Variants in FOCAD observed in about 807,000 individuals in gnomAD.
FOCAD encodes the protein KIAA1797.
FOCAD carries 198 observed loss-of-function variants against 225.6 expected under a neutral mutation model. The observed-to-expected ratio is 0.88, with a 90% CI of 0.78 to 0.99. The LOEUF is 0.99. Ranked by LOEUF, FOCAD falls within the 50% of genes least tolerant of loss-of-function variation. The probability of loss-of-function intolerance (pLI) is 0.00; values close to 1 mark genes in which losing one functional copy is unlikely to be tolerated. For synonymous variants in FOCAD, 897 were observed against 755.0 expected, an observed-to-expected ratio of 1.19 and a Z score of -3.08; for missense variants, 2,713 against 2,123.6, an observed-to-expected ratio of 1.28 and a Z score of -5.46.
intron 4 of FOCAD, among the ~76,000 whole-genome samples, chr9:20,724,170 G>A (rs1035714370): frequency 6.6e-6 from 1 of 151,910 alleles, no homozygotes; most frequent in African/African-American, 2.4e-5. Flanking sequence ...GATTTGGAGG[G>A]GACAAACATC....
intron 5 of FOCAD, among the ~76,000 whole-genome samples, chr9:20,757,429 T>G (rs1829157101): frequency 6.6e-6 from 1 of 152,212 alleles, no homozygotes; most frequent in Admixed American, 6.5e-5. Flanking sequence ...ATCCTTCAAA[T>G]TTCAGATTTT....
chr9:20,700,365 C>T (rs1823841075), intron 1 of FOCAD, among the ~76,000 whole-genome samples: 1 of 151,938 alleles, frequency 6.6e-6, no homozygotes, highest in East Asian at 1.9e-4. Context: ...AGTGAAGAAA[C>T]AGTCTTGTTA....
intron 15 of FOCAD, among the ~76,000 whole-genome samples, chr9:20,843,169 G>A (rs1479040270): frequency 6.6e-6 from 1 of 151,948 alleles, no homozygotes; most frequent in African/African-American, 2.4e-5. Context: ...ATAATGTTCT[G>A]TATTTGTTTC....
chr9:20,955,547 T>C (rs781623635), intron 35 of FOCAD, among the ~76,000 whole-genome samples: 7 of 150,504 alleles, frequency 4.7e-5, no homozygotes, highest in Non-Finnish European at 7.4e-5. Flanking sequence ...TGCTATACCA[T>C]GTGACATTCT....
At chr9:20,952,926 T>C in intron 34 of FOCAD, 59 bp from the exon 35 acceptor site, 1 of 1,342,704 alleles carries the variant, frequency 7.4e-7, no homozygotes. Flanking sequence ...GATCATTATC[T>C]TTCCTTCATT....
At chr9:20,816,550 T>C (rs1587283122) in intron 11 of FOCAD, among the ~76,000 whole-genome samples, 1 of 152,094 alleles carries the variant, frequency 6.6e-6, no homozygotes, top group Non-Finnish European at 1.5e-5. Context: ...GCTGCTGTGG[T>C]ATATCGTGGT....
intron 7 of FOCAD, among the ~76,000 whole-genome samples, chr9:20,769,389 G>A (rs1817952623): frequency 6.6e-6 from 1 of 152,210 alleles, no homozygotes; most frequent in Admixed American, 6.5e-5. Context: ...GTGTCTGTGA[G>A]CAGGACCATA....
intron 29 of FOCAD, among the ~76,000 whole-genome samples, chr9:20,946,382 C>G (rs1194724720): frequency 6.6e-6 from 1 of 152,136 alleles, no homozygotes; most frequent in African/African-American, 2.4e-5. Context: ...GTGCTGTGCT[C>G]TGGCATAATG....
In FOCAD at chr9:20,770,166, C is replaced by T. The variant is rs975150635; in HGVS notation, c.834C>T (p.Val278=). The T allele has an allele frequency of 5.0e-6, 8 of 1,613,938 alleles. No individual in the cohort carries two copies. Among genetic ancestry groups the T allele is most frequent in the Non-Finnish European group, 6.8e-6 (8 of 1,180,010 alleles). Residue 278 remains valine, a synonymous_variant, in exon 8 of 44, where the codon GTC becomes GTT. Coordinates refer to ENST00000338382, the MANE Select transcript of FOCAD (RefSeq NM_001375567.1). ...MSLQLLCVSE[V]SLKITGECSS... ...TTCAGCTGCTGTGTGTCAGTGAAGT[C>T]AGCTTAAAGATAACTGGTGAATGTT... is the stretch of plus-strand genomic sequence containing the variant.
intron 28 of FOCAD, among the ~76,000 whole-genome samples, chr9:20,940,956 C>G (rs1237606012): frequency 6.7e-6 from 1 of 149,664 alleles, no homozygotes; most frequent in Non-Finnish European, 1.5e-5. Context: ...GTCACCCACA[C>G]TTTTTTTTTT....
At chr9:20,729,281 GT>G (rs1362875755) in intron 4 of FOCAD, among the ~76,000 whole-genome samples, 2 of 152,182 alleles carry the variant, frequency 1.3e-5, no homozygotes, top group East Asian at 3.8e-4. Flanking sequence ...GCTTCTGGTG[GT>G]TGATGGAAAC....
At chr9:20,759,248 T>G (rs371370174) in intron 6 of FOCAD, among the ~76,000 whole-genome samples, 2 of 152,188 alleles carry the variant, frequency 1.3e-5, no homozygotes, top group Admixed American at 6.5e-5. Flanking sequence ...GAGCCCGCAT[T>G]GCCAAGTCAA....
chr9:20,954,996 C>G (rs1274074899), intron 35 of FOCAD, among the ~76,000 whole-genome samples: 2 of 152,298 alleles, frequency 1.3e-5, no homozygotes, highest in East Asian at 3.9e-4. Flanking sequence ...ATACCCAGCT[C>G]ATTTGAATTT....
At chr9:20,971,580 C>T (rs371652936) in intron 35 of FOCAD, among the ~76,000 whole-genome samples, 2 of 152,028 alleles carry the variant, frequency 1.3e-5, no homozygotes, top group Non-Finnish European at 2.9e-5. Context: ...ACGGAGATTA[C>T]AGGCATGCAC....
intron 14 of FOCAD, among the ~76,000 whole-genome samples, chr9:20,822,437 G>A (rs184719863): frequency 3.7e-4 from 57 of 152,168 alleles, no homozygotes; most frequent in African/African-American, 1.3e-3. Context: ...GAAAGGAGAG[G>A]AAGGGGAGGA....
At chr9:20,974,069 T>C (rs201737916) in intron 35 of FOCAD, among the ~76,000 whole-genome samples, 2 of 108,058 alleles carry the variant, frequency 1.9e-5, no homozygotes, top group African/African-American at 7.2e-5. Context: ...CTGTTTTCAC[T>C]TTTGCTGTCT....
rs534462864 is a variant in FOCAD, at chr9:20,770,220, T to C, written c.888T>C (p.Ser296=). The C allele has an allele frequency of 5.6e-6, 9 of 1,613,948 alleles. No individual in the cohort carries two copies. In the South Asian group the frequency reaches 7.7e-5, roughly 14 times the overall value. ...CSSSIHLLEH[S]VELLKEDFPV... ...CTTCAATTCACCTTTTAGAGCACAG[T>C]GTTGAACTTCTGAAGGAGGTAAGGA... The change falls in exon 8 of 44, where the codon AGT becomes AGC. Residue 296 remains serine, a synonymous_variant. Coordinates refer to ENST00000338382, the MANE Select transcript of FOCAD (RefSeq NM_001375567.1).
chr9:20,862,411 G>T (rs1167930993), intron 15 of FOCAD, among the ~76,000 whole-genome samples, 167 bp from the exon 16 acceptor site: 1 of 151,998 alleles, frequency 6.6e-6, no homozygotes, highest in Admixed American at 6.6e-5. Context: ...GTTTACACTG[G>T]TTTAAGTTAT....
intron 15 of FOCAD, among the ~76,000 whole-genome samples, chr9:20,858,839 T>TTGAC (rs111560820): frequency 0.61 from 91,758 of 151,406 alleles, 27,933 homozygotes; most frequent in East Asian, 0.67. Flanking sequence ...AATTTCTTCA[T>TTGAC]TGACTGGTCT....
Sources: gnomAD v4.1 joint callset for allele counts (sites outside exome capture counted in the v4.1 genomes callset) on GRCh38, gnomAD v4.1.1 for gene constraint, MANE v1.5 for transcripts, NCBI Gene and HGNC (gene_info 2026-07-23, HGNC 2026-07-21) for gene names.